ABHD17C: variants seen among roughly 807,000 people sequenced by gnomAD.
ABHD17C encodes abhydrolase domain containing 17C, depalmitoylase, also known as alpha/beta hydrolase domain-containing protein 17C.
A neutral mutation model predicts 27.9 loss-of-function variants in ABHD17C; 11 were observed. The ratio of observed to expected loss-of-function variants is 0.39; its 90% CI spans 0.25 to 0.65. The LOEUF (loss-of-function observed/expected upper bound fraction) is 0.65, where lower values mean the gene tolerates loss of function less well. Among genes scored for constraint, ABHD17C ranks in the 30% least tolerant of loss-of-function variants. ABHD17C has a pLI of 0.45. For missense variants in ABHD17C, 280 were observed against 470.2 expected (o/e 0.60, Z 3.74); for synonymous variants, 233 against 209.1 (o/e 1.11, Z -0.98).
intron 1 of ABHD17C, among the ~76,000 whole-genome samples, chr15:80,743,277 A>T (rs1204373884): frequency 6.6e-6 from 1 of 152,088 alleles, no homozygotes; most frequent in Non-Finnish European, 1.5e-5. Context: ...GGGAAGGAGA[A>T]TGGTCTGGCC....
intron 1 of ABHD17C, among the ~76,000 whole-genome samples, chr15:80,698,744 T>TCAGTGCC (rs952526570): frequency 5.3e-5 from 8 of 152,368 alleles, no homozygotes; most frequent in African/African-American, 1.9e-4. Flanking sequence ...TTAATTCATG[T>TCAGTGCC]CAGTGCCATG....
intron 1 of ABHD17C, among the ~76,000 whole-genome samples, chr15:80,732,643 C>T (rs1449694973): frequency 1.4e-4 from 21 of 152,074 alleles, no homozygotes; most frequent in Admixed American, 1.3e-3. Flanking sequence ...GAAGGTAAGA[C>T]GGGCACAAAG....
chr15:80,745,489 C>T (rs1171257674), intron 1 of ABHD17C, among the ~76,000 whole-genome samples: 2 of 152,072 alleles, frequency 1.3e-5, no homozygotes, highest in Non-Finnish European at 2.9e-5. Context: ...CCACCTCAGC[C>T]TCCCAAGTAG....
chr15:80,732,262 G>A (rs977279277), intron 1 of ABHD17C, among the ~76,000 whole-genome samples: 1 of 152,196 alleles, frequency 6.6e-6, no homozygotes, highest in African/African-American at 2.4e-5. Context: ...AGACAGTTGT[G>A]CCTGATGCAG....
chr15:80,755,555 G>C lies in ABHD17C; in HGVS notation c.*1185G>C, dbSNP rs1450395136. The C allele has an allele frequency of 6.6e-6, 1 of 152,190 alleles. No homozygotes were observed. The highest frequency in any genetic ancestry group is 2.4e-5 in the African/African-American group (1 of 41,440). The allele number at this position is 152,190 out of a possible 1,614,324, so 9.4% of individuals were successfully genotyped here. On this transcript the variant is annotated 3_prime_UTR_variant, in exon 3 of 3. Coordinates refer to ENST00000258884, the MANE Select transcript of ABHD17C (RefSeq NM_021214.2). ...ACAACTGGACTGCGGTTGATTGCCA[G>C]TTTGTGTACTGTTGCTTGGATGCGG...
At chr15:80,710,142 G>A (rs1475217615) in intron 1 of ABHD17C, among the ~76,000 whole-genome samples, 1 of 152,210 alleles carries the variant, frequency 6.6e-6, no homozygotes, top group Non-Finnish European at 1.5e-5. Flanking sequence ...GCCCCAAGCA[G>A]TGAGGGGTTA....
chr15:80,746,823 A>G (rs1895293113), intron 1 of ABHD17C, among the ~76,000 whole-genome samples: 1 of 152,126 alleles, frequency 6.6e-6, no homozygotes, highest in Non-Finnish European at 1.5e-5. Context: ...ATAAAGTCCC[A>G]TGGCGTGTTA....
chr15:80,727,637 A>T (rs571739481), intron 1 of ABHD17C, among the ~76,000 whole-genome samples: 41 of 152,130 alleles, frequency 2.7e-4, no homozygotes, highest in Middle Eastern at 3.4e-3. Flanking sequence ...AGGACTGTGA[A>T]CCAATGCTTG....
At chr15:80,739,394 C>G (rs1023757460) in intron 1 of ABHD17C, among the ~76,000 whole-genome samples, 3 of 152,054 alleles carry the variant, frequency 2.0e-5, no homozygotes, top group Non-Finnish European at 4.4e-5. Context: ...TGATTTTGCC[C>G]TTGATATGGT....
At chr15:80,738,774 C>T (rs1360931834) in intron 1 of ABHD17C, among the ~76,000 whole-genome samples, 1 of 151,992 alleles carries the variant, frequency 6.6e-6, no homozygotes, top group Non-Finnish European at 1.5e-5. Flanking sequence ...CAGGAGGAAG[C>T]ATCAAAAGAA....
chr15:80,738,350 G>A (rs1156984910), intron 1 of ABHD17C, among the ~76,000 whole-genome samples: 1 of 152,170 alleles, frequency 6.6e-6, no homozygotes, highest in Non-Finnish European at 1.5e-5. Flanking sequence ...TCCCTGTGGG[G>A]CAGTCTGAGC....
At chr15:80,709,302 A>G (rs1894696010) in intron 1 of ABHD17C, among the ~76,000 whole-genome samples, 1 of 152,016 alleles carries the variant, frequency 6.6e-6, no homozygotes, top group Non-Finnish European at 1.5e-5. Flanking sequence ...CAACCTGGCC[A>G]ACATGGTGAT....
chr15:80,743,864 T>G (rs1895246528), intron 1 of ABHD17C, among the ~76,000 whole-genome samples: 1 of 152,234 alleles, frequency 6.6e-6, no homozygotes, highest in Non-Finnish European at 1.5e-5. Context: ...TGAGCCACCG[T>G]GCCTGGCTAT....
intron 1 of ABHD17C, among the ~76,000 whole-genome samples, chr15:80,721,160 A>G (rs1894892344): frequency 6.7e-6 from 1 of 149,474 alleles, no homozygotes; most frequent in Admixed American, 6.7e-5. Context: ...GGCCTCTTCA[A>G]CTTTATTTTT....
At chr15:80,716,349 C>T (rs986201364) in intron 1 of ABHD17C, among the ~76,000 whole-genome samples, 4 of 152,186 alleles carry the variant, frequency 2.6e-5, no homozygotes, top group African/African-American at 9.7e-5. Context: ...CGACATGCTT[C>T]TGTCTCAAGA....
At chr15:80,743,290 G>A (rs770732169) in intron 1 of ABHD17C, among the ~76,000 whole-genome samples, 5 of 152,120 alleles carry the variant, frequency 3.3e-5, no homozygotes, top group Non-Finnish European at 5.9e-5. Context: ...GTCTGGCCTG[G>A]TGTAGTCTGT....
intron 1 of ABHD17C, among the ~76,000 whole-genome samples, chr15:80,707,192 A>G (rs775097940): frequency 1.8e-4 from 27 of 152,224 alleles, no homozygotes; most frequent in Non-Finnish European, 8.8e-5. Context: ...GCATATTCTT[A>G]TATATCTACT....
At chr15:80,737,881 G>T (rs1443481279) in intron 1 of ABHD17C, among the ~76,000 whole-genome samples, 1 of 152,210 alleles carries the variant, frequency 6.6e-6, no homozygotes, top group Non-Finnish European at 1.5e-5. Flanking sequence ...GTCGGATGGG[G>T]CTAGATTGTG....
At chr15:80,729,994 C>G (rs1365906278) in intron 1 of ABHD17C, among the ~76,000 whole-genome samples, 1 of 152,032 alleles carries the variant, frequency 6.6e-6, no homozygotes, top group East Asian at 1.9e-4. Flanking sequence ...TGGTGCGTGC[C>G]TATAATCCCA....
Sources: allele counts gnomAD v4.1 joint callset (sites outside exome capture counted in the v4.1 genomes callset), GRCh38; gene constraint gnomAD v4.1.1; transcripts MANE v1.5; gene names NCBI Gene and HGNC (gene_info 2026-07-23, HGNC 2026-07-21).